PRKG2: variants seen among roughly 807,000 people sequenced by gnomAD.
PRKG2 encodes protein kinase cGMP-dependent 2.
Under a neutral mutation model 97.2 loss-of-function variants are expected in PRKG2, and 33 were observed. That is an observed-to-expected ratio of 0.34 (90% CI 0.26 to 0.45). PRKG2 has a LOEUF of 0.45. PRKG2 is among the 20% of genes least tolerant of loss of function. PRKG2 has a pLI of 1.00. For synonymous variants in PRKG2, 330 were observed against 321.8 expected (o/e 1.03, Z -0.27); for missense variants, 638 against 900.0 (o/e 0.71, Z 3.73).
intron 14 of PRKG2, among the ~76,000 whole-genome samples, chr4:81,120,323 C>T (rs562236683): frequency 1.7e-4 from 26 of 152,348 alleles, no homozygotes; most frequent in Admixed American, 1.6e-3. Context: ...CCTGAATCTG[C>T]TGTGATTCTG....
intron 14 of PRKG2, among the ~76,000 whole-genome samples, chr4:81,119,941 T>C (rs547451081): frequency 3.3e-5 from 5 of 152,240 alleles, no homozygotes; most frequent in African/African-American, 1.2e-4. Context: ...CCCAAACAAA[T>C]TGAATTGAAT....
chr4:81,156,246 A>C (rs966578004), intron 6 of PRKG2, among the ~76,000 whole-genome samples: 90 of 152,330 alleles, frequency 5.9e-4, no homozygotes, highest in African/African-American at 2.1e-3. Flanking sequence ...TCTACCAAGC[A>C]AATGGAAAAC....
chr4:81,146,005 T>C lies in PRKG2; in HGVS notation c.1155-1675A>G, dbSNP rs115893507. Among the ~76,000 whole-genome samples the C allele has an allele frequency of 9.9e-3, 1,513 of 152,292 alleles. 27 individuals are homozygous for C. Among genetic ancestry groups the C allele is most frequent in the African/African-American group, 0.034 (1,418 of 41,566 alleles). ...TCCTTTCCCCTCCAGATCTATTCTC[T>C]ACTCTTTTCTAGCCTGTTCTATGGA... On this transcript the variant is annotated intron_variant, in intron 9 of 18. Transcript: ENST00000264399.
chr4:81,182,779 T>A (rs1751530066), intron 2 of PRKG2, among the ~76,000 whole-genome samples: 1 of 152,016 alleles, frequency 6.6e-6, no homozygotes, highest in Non-Finnish European at 1.5e-5. Context: ...TTAAAAAATT[T>A]TAAATAATTC....
chr4:81,210,125 A>C (rs1013431646), intron 1 of PRKG2, among the ~76,000 whole-genome samples: 16 of 152,016 alleles, frequency 1.1e-4, no homozygotes, highest in Non-Finnish European at 2.1e-4. Flanking sequence ...AAATTACAAA[A>C]CCCCCAAAAG....
chr4:81,115,136 G>T (rs751767977), intron 14 of PRKG2, among the ~76,000 whole-genome samples: 1 of 151,992 alleles, frequency 6.6e-6, no homozygotes, highest in Non-Finnish European at 1.5e-5. Context: ...GTATACAAGA[G>T]TAAAAATGCT....
Position 81,110,428 on chromosome 4 carries a change from T to G in PRKG2, c.1940+20A>C. On this transcript the variant is annotated intron_variant, in intron 15 of 18. Coordinates refer to ENST00000264399, the MANE Select transcript of PRKG2 (RefSeq NM_006259.3). ...GCATTTCTCTGAAGAGGTGGCTGCA[T>G]AAAACTTGAAGGTACATACTTGCCC... 1 of 1,597,072 alleles carries G rather than the reference T, an allele frequency of 6.3e-7. No individual in the cohort carries two copies. Among genetic ancestry groups the G allele is most frequent in the Non-Finnish European group, 8.5e-7 (1 of 1,173,226 alleles).
upstream of PRKG2, chr4:81,215,237 G>A (rs1362149446): frequency 6.6e-6 from 1 of 152,320 alleles, no homozygotes; most frequent in African/African-American, 2.4e-5. Flanking sequence ...GAGACACGCA[G>A]GGAGGGAGGG....
At chr4:81,142,693 T>C (rs771052164) in intron 11 of PRKG2, 101 bp downstream of exon 11, 59 of 1,318,424 alleles carry the variant, frequency 4.5e-5, no homozygotes, top group Non-Finnish European at 5.7e-5. Flanking sequence ...ACATTTAAGA[T>C]AGCAGTAACA....
At position 81,153,683 on chromosome 4, in the gene PRKG2, G is replaced by T; in HGVS notation, c.951C>A (p.Gly317=). 6.2e-7 allele frequency: 1 copy of T among 1,604,580 alleles called. No individual in the cohort carries two copies. ...YDKGDYIIRE[G]EEGSTFFILA... ...AAATGAAAAAGGTACTTCCTTCCTCGCCCTCTCTAATGATGTAATCTCCTT... is the reference window on the plus strand; with the variant it reads ...AAATGAAAAAGGTACTTCCTTCCTCTCCCTCTCTAATGATGTAATCTCCTT... Residue 317 remains glycine, a synonymous_variant, in exon 7 of 19, where the codon GGC becomes GGA. Coordinates refer to ENST00000264399, the MANE Select transcript of PRKG2 (RefSeq NM_006259.3).
At chr4:81,144,183 T>C in intron 10 of PRKG2, 49 bp downstream of exon 10, 6 of 1,508,774 alleles carry the variant, frequency 4.0e-6, no homozygotes, top group Non-Finnish European at 5.5e-6. Flanking sequence ...TCTTTATTTA[T>C]TGGCTGCCAG....
At chr4:81,204,464 C>A in intron 2 of PRKG2, 123 bp downstream of exon 2, 2 of 1,125,010 alleles carry the variant, frequency 1.8e-6, no homozygotes, top group Non-Finnish European at 2.5e-6. Flanking sequence ...TTCAAAAACC[C>A]CTCTACCCCA....
At position 81,167,990 on chromosome 4, in the gene PRKG2, T is replaced by C. The variant is rs942585086; in HGVS notation, c.849-766A>G. On this transcript the variant is annotated intron_variant, in intron 5 of 18. Transcript: ENST00000264399. ...GTTATGATGTCTTATAACTTACATA[T>C]GTACTATATATCACATAGAATATCA... Among the ~76,000 whole-genome samples the C allele has an allele frequency of 7.2e-5, 11 of 152,160 alleles. No homozygotes were observed. In the East Asian group the frequency reaches 2.1e-3, roughly 29 times the overall value.
intron 1 of PRKG2, among the ~76,000 whole-genome samples, chr4:81,214,623 T>C (rs949097247): frequency 1.3e-5 from 2 of 152,028 alleles, no homozygotes; most frequent in African/African-American, 4.8e-5. Flanking sequence ...CCTCCACCGC[T>C]TCTCCTCGCT....
At chr4:81,194,116 C>T (rs1752786362) in intron 2 of PRKG2, among the ~76,000 whole-genome samples, 1 of 152,120 alleles carries the variant, frequency 6.6e-6, no homozygotes, top group Non-Finnish European at 1.5e-5. Flanking sequence ...ATATTAATCC[C>T]ATAAATTATA....
At chr4:81,197,779 A>G (rs532417976) in intron 2 of PRKG2, among the ~76,000 whole-genome samples, 1 of 151,368 alleles carries the variant, frequency 6.6e-6, no homozygotes, top group Non-Finnish European at 1.5e-5. Context: ...AGAATTAGTG[A>G]AAAAAAAATG....
At chr4:81,102,967 A>G (rs1578340291) in intron 17 of PRKG2, among the ~76,000 whole-genome samples, 1 of 152,170 alleles carries the variant, frequency 6.6e-6, no homozygotes, top group Non-Finnish European at 1.5e-5. Context: ...TAGTCAAAGG[A>G]TTTCAATAAT....
intron 2 of PRKG2, among the ~76,000 whole-genome samples, chr4:81,187,441 ACT>A (rs1751984300): frequency 6.6e-6 from 1 of 152,074 alleles, no homozygotes; most frequent in African/African-American, 2.4e-5. Context: ...TGTGCTAAAA[ACT>A]CTCAATGAAC....
At chr4:81,100,390 A>G (rs1053416456) in intron 17 of PRKG2, among the ~76,000 whole-genome samples, 1 of 152,194 alleles carries the variant, frequency 6.6e-6, no homozygotes, top group Admixed American at 6.5e-5. Context: ...AACAGAACAG[A>G]GCCCTCAGAA....
Sources: gnomAD v4.1 joint callset for allele counts (sites outside exome capture counted in the v4.1 genomes callset) on GRCh38, gnomAD v4.1.1 for gene constraint, MANE v1.5 for transcripts, NCBI Gene and HGNC (gene_info 2026-07-23, HGNC 2026-07-21) for gene names.